The following SLC17A1 variants were observed in gnomAD, a reference collection of about 807,000 sequenced individuals.
The protein encoded by SLC17A1 is sodium-dependent phosphate transport protein 1.
In SLC17A1, 51 loss-of-function variants were observed where a neutral mutation model predicts 53.5. The observed-to-expected ratio is 0.95, with a 90% confidence interval of 0.76 to 1.20. The LOEUF (loss-of-function observed/expected upper bound fraction) is 1.20, where lower values mean the gene tolerates loss of function less well. Ranked by LOEUF, SLC17A1 falls within the 50% of genes most tolerant of loss-of-function variation. SLC17A1 has a pLI of 0.00. For synonymous variants in SLC17A1, 179 were observed against 198.8 expected (o/e 0.90, Z 0.84); for missense variants, 538 against 568.2 (o/e 0.95, Z 0.54).
At chr6:25,726,714 G>T in the SLC17A1 span, 2 of 1,048,186 alleles carry the variant, frequency 1.9e-6, no homozygotes, top group South Asian at 1.6e-5. Flanking sequence ...TCAGATTTTG[G>T]ATACCGAACG....
intron 6 of SLC17A1, among the ~76,000 whole-genome samples, chr6:25,818,408 A>C (rs1401063724): frequency 6.6e-6 from 1 of 152,172 alleles, no homozygotes; most frequent in Non-Finnish European, 1.5e-5. Flanking sequence ...CTATTCCTAG[A>C]ATTTCACCGG....
the SLC17A1 span, among the ~76,000 whole-genome samples, chr6:25,740,867 TAGC>T: frequency 6.6e-6 from 1 of 152,168 alleles, no homozygotes; most frequent in Non-Finnish European, 1.5e-5. Flanking sequence ...ATCCTGTCAT[TAGC>T]AGCAACGTGG....
chr6:25,815,479 C>A (rs1429261573), intron 6 of SLC17A1, among the ~76,000 whole-genome samples: 2 of 152,154 alleles, frequency 1.3e-5, no homozygotes, highest in African/African-American at 4.8e-5. Context: ...AGACGAATTA[C>A]TATTTTTTAA....
chr6:25,788,034 T>C (rs1763420688), intron 12 of SLC17A1, among the ~76,000 whole-genome samples: 1 of 152,166 alleles, frequency 6.6e-6, no homozygotes, highest in African/African-American at 2.4e-5. Context: ...GGAATATGAA[T>C]CTGGTGGTTC....
chr6:25,786,971 T>A (rs1489174259), intron 12 of SLC17A1, among the ~76,000 whole-genome samples: 1 of 152,148 alleles, frequency 6.6e-6, no homozygotes, highest in African/African-American at 2.4e-5. Context: ...TTCAGTTATC[T>A]AACTGGGAAT....
chr6:25,730,280 T>C, the SLC17A1 span, among the ~76,000 whole-genome samples: 2 of 152,202 alleles, frequency 1.3e-5, no homozygotes, highest in Admixed American at 1.3e-4. Context: ...AGGAGATGAA[T>C]GGCTAAAGAA....
the SLC17A1 span, among the ~76,000 whole-genome samples, chr6:25,757,023 C>A: frequency 2.6e-3 from 391 of 152,262 alleles, 2 homozygotes; most frequent in African/African-American, 8.7e-3. Context: ...TACCAAGTTT[C>A]TTTTCAGAAT....
chr6:25,774,362 C>T, the SLC17A1 span, among the ~76,000 whole-genome samples: 1 of 152,114 alleles, frequency 6.6e-6, no homozygotes, highest in South Asian at 2.1e-4. Context: ...GTTCACAAAG[C>T]CAGTGTTATT....
downstream of SLC17A1, among the ~76,000 whole-genome samples, chr6:25,778,526 A>T (rs936222370): frequency 2.0e-5 from 3 of 151,560 alleles, no homozygotes; most frequent in African/African-American, 7.3e-5. Flanking sequence ...TCAATGACTT[A>T]TTCATTCATT....
chr6:25,831,007 A>G (rs1764925292), intron 1 of SLC17A1, among the ~76,000 whole-genome samples: 1 of 152,208 alleles, frequency 6.6e-6, no homozygotes, highest in South Asian at 2.1e-4. Context: ...GAAAGGAAGA[A>G]TGTCAGAAAA....
chr6:25,827,637 A>C (rs2151508988), intron 2 of SLC17A1, among the ~76,000 whole-genome samples: 1 of 152,292 alleles, frequency 6.6e-6, no homozygotes, highest in East Asian at 1.9e-4. Flanking sequence ...CTGTACAACC[A>C]GATTTAAAGG....
At chr6:25,803,363 T>G (rs1246649909) in intron 10 of SLC17A1, among the ~76,000 whole-genome samples, 1 of 151,578 alleles carries the variant, frequency 6.6e-6, no homozygotes, top group African/African-American at 2.4e-5. Context: ...AGAAAGTGAG[T>G]TATTCTTGGT....
chr6:25,801,108 A>G, intron 10 of SLC17A1, 128 bp from the exon 11 acceptor site: 1 of 623,792 alleles, frequency 1.6e-6, no homozygotes, highest in Non-Finnish European at 2.9e-6. Context: ...AAATTCCATT[A>G]AGATGTTAGA....
intron 6 of SLC17A1, among the ~76,000 whole-genome samples, chr6:25,817,295 G>T (rs1378377312): frequency 6.6e-6 from 1 of 152,218 alleles, no homozygotes; most frequent in Non-Finnish European, 1.5e-5. Flanking sequence ...TTATTGGCAA[G>T]AATATTCCAA....
chr6:25,801,323 A>C (rs189804816), intron 10 of SLC17A1, among the ~76,000 whole-genome samples: 9 of 152,358 alleles, frequency 5.9e-5, no homozygotes. Context: ...TTAATAAAAA[A>C]TTGAAGGGCT....
At chr6:25,828,294 C>T (rs1207476922) in intron 2 of SLC17A1, among the ~76,000 whole-genome samples, 2 of 152,082 alleles carry the variant, frequency 1.3e-5, no homozygotes, top group Non-Finnish European at 2.9e-5. Context: ...TGGGCTGTAT[C>T]CTCTGTGCTC....
the SLC17A1 span, among the ~76,000 whole-genome samples, chr6:25,729,740 A>ATT: frequency 0.19 from 28,646 of 150,062 alleles, 3,021 homozygotes; most frequent in Middle Eastern, 0.26. Context: ...CTTTCCGTGC[A>ATT]TTTTTTTTTA....
chr6:25,749,906 A>C, the SLC17A1 span, among the ~76,000 whole-genome samples: 1,940 of 152,324 alleles, frequency 0.013, 39 homozygotes, highest in African/African-American at 0.043. Flanking sequence ...AGCTGCCTAT[A>C]AGCCTGGTCC....
chr6:25,811,160 T>C (rs982814785), intron 10 of SLC17A1, among the ~76,000 whole-genome samples: 1 of 152,172 alleles, frequency 6.6e-6, no homozygotes, highest in Non-Finnish European at 1.5e-5. Context: ...AGATCTATTG[T>C]ATAACACAGT....
Sources: allele counts gnomAD v4.1 joint callset (sites outside exome capture counted in the v4.1 genomes callset), GRCh38; gene constraint gnomAD v4.1.1; transcripts MANE v1.5; gene names NCBI Gene and HGNC (gene_info 2026-07-23, HGNC 2026-07-21).